BRWD3: variants seen among roughly 807,000 people sequenced by gnomAD.
The protein encoded by BRWD3 is bromodomain and WD repeat domain containing 3.
BRWD3 carries 10 observed loss-of-function variants against 149.7 expected under a neutral mutation model. That is an observed-to-expected ratio of 0.07 (90% CI 0.04 to 0.11). The LOEUF is 0.11. BRWD3 is among the 10% of genes least tolerant of loss of function. The pLI, the probability that BRWD3 is intolerant of heterozygous loss-of-function variation, is 1.00. For synonymous variants in BRWD3, 504 were observed against 456.7 expected (o/e 1.10, Z -1.32); for missense variants, 940 against 1,373.2 (o/e 0.68, Z 4.99).
At chrX:80,751,907 T>A (rs1485254803) in intron 6 of BRWD3, among the ~76,000 whole-genome samples, 1 of 110,740 alleles carries the variant, frequency 9.0e-6, no homozygotes, top group Non-Finnish European at 1.9e-5. Flanking sequence ...GACTTCATTT[T>A]TTTTATGGCT....
At chrX:80,686,766 A>G in intron 35 of BRWD3, 97 bp downstream of exon 35, 1 of 905,122 alleles carries the variant, frequency 1.1e-6, no homozygotes, top group South Asian at 2.2e-5. Flanking sequence ...AAAAGAAAGG[A>G]AAGGAGAGGT....
At chrX:80,755,624 C>T (rs780448211) in intron 6 of BRWD3, among the ~76,000 whole-genome samples, 1 of 111,766 alleles carries the variant, frequency 8.9e-6, no homozygotes, top group South Asian at 3.7e-4. Flanking sequence ...TACTCCACCT[C>T]TGGGCATCTA....
chrX:80,780,216 T>C (rs748238555), intron 6 of BRWD3, among the ~76,000 whole-genome samples: 135 of 111,054 alleles, frequency 1.2e-3, no homozygotes, highest in Admixed American at 2.0e-3. Context: ...AAGTACTGAG[T>C]TAAACATATA....
chrX:80,790,930 A>G (rs1244462464), intron 6 of BRWD3, among the ~76,000 whole-genome samples: 1 of 111,948 alleles, frequency 8.9e-6, no homozygotes, highest in Non-Finnish European at 1.9e-5. Flanking sequence ...TACCATGTTC[A>G]ATGAGACTCA....
intron 15 of BRWD3, 137 bp from the exon 16 acceptor site, chrX:80,724,013 G>T: frequency 1.4e-6 from 1 of 697,638 alleles, no homozygotes; most frequent in Non-Finnish European, 2.2e-6. Flanking sequence ...TCTGCAGCCA[G>T]AACCCTACTG....
chrX:80,710,070 C>A (rs948635627), intron 20 of BRWD3: 6 of 925,261 alleles, frequency 6.5e-6, no homozygotes, highest in Non-Finnish European at 9.4e-6. Context: ...TTGAAAAGGG[C>A]ACCATCGGAG....
intron 8 of BRWD3, among the ~76,000 whole-genome samples, chrX:80,739,264 A>G (rs1464714590): frequency 8.9e-6 from 1 of 111,979 alleles, no homozygotes; most frequent in Non-Finnish European, 1.9e-5. Context: ...ATCTACTCTG[A>G]GCAGTTGAAA....
At chrX:80,694,482 G>A (rs1416318253) in intron 27 of BRWD3, among the ~76,000 whole-genome samples, 2 of 110,571 alleles carry the variant, frequency 1.8e-5, no homozygotes, top group Non-Finnish European at 3.8e-5. Context: ...GACAACGTGC[G>A]CCGTGTGCCT....
At chrX:80,697,607 C>T (rs766761302) in intron 25 of BRWD3, among the ~76,000 whole-genome samples, 12 of 111,489 alleles carry the variant, frequency 1.1e-4, no homozygotes, top group African/African-American at 3.9e-4. Flanking sequence ...GTTTTACTTA[C>T]GATAATGGCC....
intron 6 of BRWD3, among the ~76,000 whole-genome samples, chrX:80,768,901 G>A (rs1395564108): frequency 1.5e-4 from 16 of 108,571 alleles, no homozygotes; most frequent in Non-Finnish European, 2.3e-4. Flanking sequence ...CCAAGCAAAT[G>A]GAAAGCAAAA....
At position 80,808,986 on chromosome X, in the gene BRWD3, C is replaced by T; in HGVS notation, c.120+27G>A. The T allele has an allele frequency of 3.4e-6, 4 of 1,193,922 alleles. No individual in the cohort carries two copies. The South Asian group carries it at 7.4e-5, about 22-fold the overall frequency. On this transcript the variant is annotated intron_variant, in intron 3 of 40. Transcript: ENST00000373275. ...TTCCTCCAGTCTCACCTCAACCCTC[C>T]CCACCCTTCCCGAAGGGGCTCCGTA...
chrX:80,747,381 T>TC (rs1342090344), intron 6 of BRWD3, among the ~76,000 whole-genome samples: 1 of 108,457 alleles, frequency 9.2e-6, no homozygotes, highest in South Asian at 4.0e-4. Context: ...GCTAGTAGGA[T>TC]CCCCCCCACA....
intron 24 of BRWD3, among the ~76,000 whole-genome samples, chrX:80,700,433 G>GATATATATATATATATAT (rs748889698): frequency 0.21 from 11,623 of 55,561 alleles, 1,291 homozygotes; most frequent in South Asian, 0.63. Context: ...GAAAATATTT[G>GATATATATATATATATAT]ATATATATAA....
intron 23 of BRWD3, 62 bp downstream of exon 23, chrX:80,704,616 T>C: frequency 9.7e-7 from 1 of 1,026,170 alleles, no homozygotes; most frequent in Non-Finnish European, 1.3e-6. Flanking sequence ...ATTAAATATT[T>C]AAGTTATCAA....
rs761355398 is a variant in BRWD3 at position 80,745,668 on chromosome X, T to C, written c.492A>G (p.Ser164=). ...GCSRFGHIFP[S]SAYQHIKMHK... is the part of the protein sequence containing the mutation. Reference sequence around the variant, plus strand: ...GCATCTTAATGTGCTGGTAAGCAGATGAAGGGAAAATATGACCAAAGCGAC... The same window carrying C: ...GCATCTTAATGTGCTGGTAAGCAGACGAAGGGAAAATATGACCAAAGCGAC... Residue 164 remains serine, a synonymous_variant, in exon 7 of 41, where the codon TCA becomes TCG. Transcript: ENST00000373275. The C allele has an allele frequency of 4.2e-5, 51 of 1,207,636 alleles. No individual in the cohort carries two copies. In the Admixed American group the frequency reaches 1.1e-3, roughly 25 times the overall value.
chrX:80,758,017 C>T (rs138604361), intron 6 of BRWD3, among the ~76,000 whole-genome samples: 1,515 of 111,005 alleles, frequency 0.014, 34 homozygotes, highest in African/African-American at 0.047. Flanking sequence ...CTGACCAACA[C>T]GGTGAAACCC....
intron 20 of BRWD3, 122 bp downstream of exon 20, chrX:80,716,035 T>G: frequency 2.0e-6 from 1 of 503,048 alleles, no homozygotes; most frequent in South Asian, 3.2e-5. Context: ...AAAAAGTAGG[T>G]TCCCTATATG....
chrX:80,797,850 C>T (rs1438429426), intron 4 of BRWD3, among the ~76,000 whole-genome samples: 1 of 111,337 alleles, frequency 9.0e-6, no homozygotes, highest in African/African-American at 3.3e-5. Context: ...CATCTCAGCA[C>T]TTTGGGAGGC....
chrX:80,809,110 T>TA (rs1248529838), intron 2 of BRWD3, 68 bp from the exon 3 acceptor site: 11 of 1,154,774 alleles, frequency 9.5e-6, no homozygotes, highest in African/African-American at 1.8e-5. Flanking sequence ...CCTCCACACT[T>TA]AAAGCCCAGC....
Sources: allele counts gnomAD v4.1 joint callset (sites outside exome capture counted in the v4.1 genomes callset), GRCh38; gene constraint gnomAD v4.1.1; transcripts MANE v1.5; gene names NCBI Gene and HGNC (gene_info 2026-07-23, HGNC 2026-07-21).